The following CHKA variants were observed in gnomAD, a reference collection of about 807,000 sequenced individuals.
CHKA encodes the protein choline kinase alpha, also known as CHETK-alpha.
A neutral mutation model predicts 60.1 loss-of-function variants in CHKA; 34 were observed. The observed-to-expected ratio is 0.57, with a 90% CI of 0.43 to 0.75. The LOEUF (loss-of-function observed/expected upper bound fraction) is 0.75. CHKA is among the 30% of genes least tolerant of loss of function. The pLI, the probability that CHKA is intolerant of heterozygous loss-of-function variation, is 0.00. For synonymous variants in CHKA, 217 were observed against 223.1 expected (o/e 0.97, Z 0.24); for missense variants, 563 against 561.3 (o/e 1.00, Z -0.03).
chr11:68,088,684 C>T (rs1323679410), intron 2 of CHKA, among the ~76,000 whole-genome samples: 2 of 142,384 alleles, frequency 1.4e-5, no homozygotes, highest in Non-Finnish European at 3.0e-5. Flanking sequence ...GGACCCTAAC[C>T]TTACTTCTTC....
chr11:68,065,907 A>G lies in CHKA; in HGVS notation c.1017-13T>C. The G allele has an allele frequency of 6.4e-7, 1 of 1,569,774 alleles. No individual in the cohort carries two copies. Among genetic ancestry groups the G allele is most frequent in the South Asian group, 1.1e-5 (1 of 90,170 alleles). ...AATGTCGAATCCCCTGAAATAAGAC[A>G]TAAGACAGTGCACACAATGAGGCAA... On this transcript the variant is annotated splice_polypyrimidine_tract_variant and intron_variant, in intron 8 of 11. Coordinates refer to ENST00000265689, the MANE Select transcript of CHKA (RefSeq NM_001277.3).
chr11:68,080,014 G>A (rs765796915), intron 3 of CHKA, among the ~76,000 whole-genome samples: 1 of 152,254 alleles, frequency 6.6e-6, no homozygotes, highest in African/African-American at 2.4e-5. Context: ...TGGGGGTCAT[G>A]TCAAATGCTA....
intron 10 of CHKA, among the ~76,000 whole-genome samples, chr11:68,064,155 T>C (rs962749587): frequency 1.3e-5 from 2 of 152,202 alleles, no homozygotes; most frequent in African/African-American, 2.4e-5. Flanking sequence ...ACATCTGTAA[T>C]CCCAGCATGG....
intron 1 of CHKA, among the ~76,000 whole-genome samples, chr11:68,102,032 G>A (rs1416937579): frequency 2.0e-5 from 3 of 151,490 alleles, no homozygotes; most frequent in Non-Finnish European, 2.9e-5. Flanking sequence ...CTCAGGAGGC[G>A]GAGGTGGCAG....
At chr11:68,093,034 GTCTC>G (rs1364168815) in intron 2 of CHKA, among the ~76,000 whole-genome samples, 2 of 143,326 alleles carry the variant, frequency 1.4e-5, no homozygotes, top group Non-Finnish European at 3.0e-5. Flanking sequence ...TTGAGACGGG[GTCTC>G]TCTCTGTCCC....
intron 1 of CHKA, among the ~76,000 whole-genome samples, chr11:68,099,286 T>C (rs1857618882): frequency 6.6e-6 from 1 of 152,246 alleles, no homozygotes; most frequent in Non-Finnish European, 1.5e-5. Context: ...TAAAAGCCAC[T>C]GGACTGTACA....
At chr11:68,089,957 G>A (rs912555629) in intron 2 of CHKA, 1 of 152,152 alleles carries the variant, frequency 6.6e-6, no homozygotes, top group Non-Finnish European at 1.5e-5. Flanking sequence ...CCAACATAAA[G>A]ACATTCCTTC....
At chr11:68,105,199 G>C (rs1857867429) in intron 1 of CHKA, among the ~76,000 whole-genome samples, 1 of 151,444 alleles carries the variant, frequency 6.6e-6, no homozygotes, top group Non-Finnish European at 1.5e-5. Context: ...CAACAACTTA[G>C]TAGGCTGCCC....
intron 3 of CHKA, among the ~76,000 whole-genome samples, chr11:68,080,646 T>G (rs1856956866): frequency 6.6e-6 from 1 of 152,354 alleles, no homozygotes; most frequent in South Asian, 2.1e-4. Context: ...GCATTCAGCC[T>G]ATTTCTTGAC....
Position 68,110,242 on chromosome 11 carries a change from T to C in CHKA, c.350+10586A>G, listed in dbSNP as rs554241464. Among the ~76,000 whole-genome samples, 4 of 152,290 alleles carry C rather than the reference T, an allele frequency of 2.6e-5. No individual in the cohort carries two copies. In the East Asian group the frequency reaches 7.7e-4, roughly 29 times the overall value. ...TAACAATGTTCCCCCTCACCACTTT[T>C]TTCCAACATCATAGGAAGTCCTAAC... On this transcript the variant is annotated intron_variant, in intron 1 of 11. Transcript: ENST00000265689.
chr11:68,107,246 T>C (rs1358827309), intron 1 of CHKA, among the ~76,000 whole-genome samples: 1 of 151,060 alleles, frequency 6.6e-6, no homozygotes, highest in Non-Finnish European at 1.5e-5. Flanking sequence ...AGTGAGACTC[T>C]GTCTCAAAAA....
At chr11:68,072,148 A>AC (rs1856639602) in intron 4 of CHKA, among the ~76,000 whole-genome samples, 1 of 152,224 alleles carries the variant, frequency 6.6e-6, no homozygotes, top group South Asian at 2.1e-4. Flanking sequence ...AGAGAAAGAG[A>AC]AACAGACTAC....
chr11:68,078,493 T>G (rs1421925191), intron 3 of CHKA, among the ~76,000 whole-genome samples: 3 of 152,180 alleles, frequency 2.0e-5, no homozygotes, highest in African/African-American at 7.2e-5. Flanking sequence ...GATGTCAGAT[T>G]GGAGCATGTG....
At chr11:68,109,899 C>A (rs184134195) in intron 1 of CHKA, among the ~76,000 whole-genome samples, 7 of 152,230 alleles carry the variant, frequency 4.6e-5, no homozygotes, top group Non-Finnish European at 1.0e-4. Flanking sequence ...TTGCAGTGAG[C>A]CGAGGTCACG....
At chr11:68,096,520 T>C (rs890843961) in intron 2 of CHKA, among the ~76,000 whole-genome samples, 1 of 152,184 alleles carries the variant, frequency 6.6e-6, no homozygotes, top group African/African-American at 2.4e-5. Flanking sequence ...TATAAAACTT[T>C]AGAAAGATTA....
At chr11:68,063,123 A>G (rs1400755288) in intron 10 of CHKA, among the ~76,000 whole-genome samples, 2 of 152,220 alleles carry the variant, frequency 1.3e-5, no homozygotes, top group Non-Finnish European at 2.9e-5. Context: ...AAAACCGATA[A>G]ACATAAGTTT....
At chr11:68,071,141 T>C (rs780364261) in intron 4 of CHKA, among the ~76,000 whole-genome samples, 15 of 152,228 alleles carry the variant, frequency 9.9e-5, no homozygotes, top group Non-Finnish European at 2.1e-4. Context: ...TACTACACTA[T>C]CATCTATTAT....
At chr11:68,078,885 ACTT>A (rs1180409375) in intron 3 of CHKA, among the ~76,000 whole-genome samples, 2 of 152,140 alleles carry the variant, frequency 1.3e-5, no homozygotes, top group Non-Finnish European at 2.9e-5. Context: ...GCATAGGAAA[ACTT>A]CTGAAATTCA....
chr11:68,078,683 A>G (rs1247986161), intron 3 of CHKA, among the ~76,000 whole-genome samples: 12 of 152,198 alleles, frequency 7.9e-5, no homozygotes. Flanking sequence ...AAAATGCATA[A>G]CCTCAATTGT....
Sources: allele counts gnomAD v4.1 joint callset (sites outside exome capture counted in the v4.1 genomes callset), GRCh38; gene constraint gnomAD v4.1.1; transcripts MANE v1.5; gene names NCBI Gene and HGNC (gene_info 2026-07-23, HGNC 2026-07-21).